STK3: variants seen among roughly 807,000 people sequenced by gnomAD.
The protein encoded by STK3 is serine/threonine kinase 3.
STK3 carries 41 observed loss-of-function variants against 58.0 expected under a neutral mutation model. The ratio of observed to expected loss-of-function variants is 0.71; its 90% CI spans 0.55 to 0.92. STK3 has a LOEUF of 0.92. STK3 is among the 40% of genes least tolerant of loss of function. The pLI is 0.00. For missense variants in STK3, 479 were observed against 602.7 expected, an observed-to-expected ratio of 0.79 and a Z score of 2.15; for synonymous variants, 170 against 191.0, an observed-to-expected ratio of 0.89 and a Z score of 0.91.
chr8:98,919,826 G>A (rs1839487925), intron 1 of STK3, among the ~76,000 whole-genome samples: 1 of 152,142 alleles, frequency 6.6e-6, no homozygotes, highest in Non-Finnish European at 1.5e-5. Context: ...GGTAGGACTG[G>A]GGACCAGGAA....
chr8:98,822,937 A>G (rs1835004102), intron 1 of STK3, among the ~76,000 whole-genome samples: 1 of 152,252 alleles, frequency 6.6e-6, no homozygotes, highest in African/African-American at 2.4e-5. Context: ...CTGAGGGACG[A>G]GAATCGCTTG....
intron 1 of STK3, among the ~76,000 whole-genome samples, chr8:98,793,324 G>A (rs1348028200): frequency 6.6e-6 from 1 of 151,616 alleles, no homozygotes; most frequent in African/African-American, 2.4e-5. Context: ...AATAACTTAT[G>A]GAAATTAAAA....
chr8:98,874,672 G>A (rs1434075373), intron 3 of STK3, among the ~76,000 whole-genome samples: 1 of 151,880 alleles, frequency 6.6e-6, no homozygotes, highest in African/African-American at 2.4e-5. Flanking sequence ...TGTCACCCAG[G>A]CTGGAGGGTA....
At chr8:98,453,724 T>C (rs1264841340), downstream of STK3, among the ~76,000 whole-genome samples, 5 of 152,232 alleles carry the variant, frequency 3.3e-5, no homozygotes, top group Non-Finnish European at 5.9e-5. Context: ...TTAATTTGCA[T>C]ACATTTTCTA....
chr8:98,416,249 A>C (rs1818112265), intron 3 of STK3, among the ~76,000 whole-genome samples: 1 of 152,208 alleles, frequency 6.6e-6, no homozygotes. Context: ...TTGGGCGATC[A>C]AGATGCACTA....
At chr8:98,367,611 G>A (rs1292681409), downstream of STK3, among the ~76,000 whole-genome samples, 1 of 152,212 alleles carries the variant, frequency 6.6e-6, no homozygotes, top group Non-Finnish European at 1.5e-5. Flanking sequence ...CCTGGGGCTG[G>A]AGCGGGGTTT....
chr8:98,751,953 T>C (rs1830013567), intron 3 of STK3, among the ~76,000 whole-genome samples: 2 of 151,156 alleles, frequency 1.3e-5, no homozygotes, highest in African/African-American at 4.9e-5. Context: ...AAAATAATAA[T>C]AAAAAATAAA....
chr8:98,444,317 A>T (rs759609100), intron 1 of STK3, among the ~76,000 whole-genome samples: 3 of 152,138 alleles, frequency 2.0e-5, no homozygotes, highest in South Asian at 2.1e-4. Flanking sequence ...ATGTCAAGAG[A>T]TGAGGAGAGG....
intron 6 of STK3, among the ~76,000 whole-genome samples, chr8:98,656,983 T>C (rs1821591310): frequency 6.6e-6 from 1 of 152,092 alleles, no homozygotes; most frequent in African/African-American, 2.4e-5. Context: ...CTCTACGTAA[T>C]ACAGATGGAT....
At chr8:98,915,291 T>G (rs948007217) in intron 1 of STK3, among the ~76,000 whole-genome samples, 2 of 151,882 alleles carry the variant, frequency 1.3e-5, no homozygotes, top group African/African-American at 4.8e-5. Context: ...CTTTCTCCCA[T>G]GCTGGATGCT....
intron 8 of STK3, 132 bp downstream of exon 8, chr8:98,579,532 T>C: frequency 1.8e-6 from 2 of 1,133,446 alleles, no homozygotes; most frequent in Non-Finnish European, 2.4e-6. Flanking sequence ...AAACCAAATA[T>C]ATTTTGAGAT....
chr8:98,881,202 A>T (rs1219034409), downstream of STK3: 1 of 152,238 alleles, frequency 6.6e-6, no homozygotes, highest in East Asian at 1.9e-4. Flanking sequence ...CTAACATGAA[A>T]TGAGTTATCA....
intron 10 of STK3, among the ~76,000 whole-genome samples, chr8:98,522,588 G>T (rs948769404): frequency 3.3e-5 from 5 of 152,004 alleles, no homozygotes; most frequent in African/African-American, 1.2e-4. Context: ...CCATTTTCAA[G>T]TGTTCAGTTA....
intron 2 of STK3, 42 bp downstream of exon 2, chr8:98,774,697 G>T: frequency 1.5e-6 from 2 of 1,349,364 alleles, no homozygotes; most frequent in Admixed American, 2.3e-5. Flanking sequence ...TTTTTAAATT[G>T]TTCTGAAATT....
chr8:98,554,000 T>C (rs1811408143), intron 8 of STK3, among the ~76,000 whole-genome samples: 1 of 151,684 alleles, frequency 6.6e-6, no homozygotes, highest in African/African-American at 2.4e-5. Flanking sequence ...GGTGCTATTA[T>C]TCCTCTTAGG....
At chr8:98,767,202 G>A (rs774052844) in intron 3 of STK3, 41 bp downstream of exon 3, 64 of 1,516,188 alleles carry the variant, frequency 4.2e-5, no homozygotes, top group Admixed American at 3.9e-4. Flanking sequence ...AGCAAAACTC[G>A]TCAAAACAAG....
At chr8:98,708,179 C>A (rs1226144549) in intron 4 of STK3, among the ~76,000 whole-genome samples, 1 of 151,456 alleles carries the variant, frequency 6.6e-6, no homozygotes, top group Non-Finnish European at 1.5e-5. Flanking sequence ...CTAAAGCAAA[C>A]AACATATCTC....
chr8:98,796,876 G>C (rs2131605661), intron 1 of STK3, among the ~76,000 whole-genome samples: 1 of 152,284 alleles, frequency 6.6e-6, no homozygotes. Context: ...CTAATCATAA[G>C]AGAAATGCAA....
chr8:98,884,186 T>C (rs72668428), intron 1 of STK3, among the ~76,000 whole-genome samples: 10,436 of 152,238 alleles, frequency 0.069, 433 homozygotes, highest in South Asian at 0.1. Context: ...AGGATTCTCA[T>C]TCCTATATAT....
Sources: allele counts gnomAD v4.1 joint callset (sites outside exome capture counted in the v4.1 genomes callset), GRCh38; gene constraint gnomAD v4.1.1; transcripts MANE v1.5; gene names NCBI Gene and HGNC (gene_info 2026-07-23, HGNC 2026-07-21).